The following CAMTA1 variants were observed in gnomAD, a reference collection of about 807,000 sequenced individuals.
CAMTA1 encodes calmodulin-binding transcription activator 1.
A neutral mutation model predicts 170.9 loss-of-function variants in CAMTA1; 27 were observed. The observed-to-expected ratio is 0.16, with a 90% CI of 0.12 to 0.22. The LOEUF (loss-of-function observed/expected upper bound fraction) is 0.22. Ranked by LOEUF, CAMTA1 falls within the 10% of genes least tolerant of loss-of-function variation. The pLI is 1.00. For synonymous variants in CAMTA1, 833 were observed against 891.5 expected (o/e 0.93, Z 1.17); for missense variants, 1,619 against 2,217.2 (o/e 0.73, Z 5.42).
intron 3 of CAMTA1, among the ~76,000 whole-genome samples, chr1:7,018,541 T>TCC (rs1700891480): frequency 6.6e-6 from 1 of 152,048 alleles, no homozygotes; most frequent in Non-Finnish European, 1.5e-5. Flanking sequence ...TCCTTCCAAA[T>TCC]CCTCTCTCCC....
At chr1:7,265,928 G>A (rs928520364) in intron 5 of CAMTA1, among the ~76,000 whole-genome samples, 8 of 152,178 alleles carry the variant, frequency 5.3e-5, no homozygotes, top group Admixed American at 2.0e-4. Flanking sequence ...CAAGGGTAGG[G>A]CTTGTTTGAT....
chr1:7,616,040 T>C (rs1454819075), intron 6 of CAMTA1, among the ~76,000 whole-genome samples: 1 of 152,270 alleles, frequency 6.6e-6, no homozygotes, highest in African/African-American at 2.4e-5. Context: ...GAGATTATTA[T>C]TCCCATTTAC....
intron 5 of CAMTA1, among the ~76,000 whole-genome samples, chr1:7,326,703 C>T (rs1225191710): frequency 6.6e-6 from 1 of 152,192 alleles, no homozygotes; most frequent in Non-Finnish European, 1.5e-5. Flanking sequence ...GAGAACATGG[C>T]CCTGCCAGCA....
intron 4 of CAMTA1, among the ~76,000 whole-genome samples, chr1:7,247,931 C>G (rs987321983): frequency 6.6e-6 from 1 of 152,134 alleles, no homozygotes; most frequent in African/African-American, 2.4e-5. Context: ...GCGCGTGGAG[C>G]CATTTCCTGA....
At chr1:6,864,742 C>T (rs1665994616) in intron 3 of CAMTA1, among the ~76,000 whole-genome samples, 1 of 152,178 alleles carries the variant, frequency 6.6e-6, no homozygotes, top group South Asian at 2.1e-4. Context: ...ATTTCCCATC[C>T]ACTTGCAGGG....
intron 11 of CAMTA1, among the ~76,000 whole-genome samples, chr1:7,700,225 A>G (rs182440416): frequency 1.1e-4 from 17 of 152,144 alleles, no homozygotes; most frequent in African/African-American, 4.1e-4. Context: ...CAGGGGTTCA[A>G]CTTCATTCTT....
rs1644157778 is a variant in CAMTA1 at position 7,113,010 on chromosome 1, T to A, written c.302+21639T>A. ...GGAAACCTTTCCCGGCAGCCTCACG[T>A]CTGCTTTTCAGGTACTCTGGTTCCA... On this transcript the variant is annotated intron_variant, in intron 4 of 22. Coordinates refer to ENST00000303635, the MANE Select transcript of CAMTA1 (RefSeq NM_015215.4). This position sits in a 1 kb window ranked among gnomAD's most constrained non-coding sequence, Gnocchi z 4.5. Among the ~76,000 whole-genome samples, 1 of 152,240 alleles carries A rather than the reference T, an allele frequency of 6.6e-6. No homozygotes were observed. Among genetic ancestry groups the A allele is most frequent in the South Asian group, 2.1e-4 (1 of 4,832 alleles).
At chr1:7,540,042 C>T (rs2094591422) in intron 6 of CAMTA1, among the ~76,000 whole-genome samples, 1 of 152,150 alleles carries the variant, frequency 6.6e-6, no homozygotes, top group South Asian at 2.1e-4. Context: ...CGTGCCCTGC[C>T]CTGGGCTTCC....
Position 7,634,751 on chromosome 1 carries a change from ACC to A in CAMTA1, c.511-5647_511-5646del, listed in dbSNP as rs35863523. Among the ~76,000 whole-genome samples the A allele has an allele frequency of 0.059, 9,043 of 152,104 alleles. 278 individuals are homozygous for A. Among genetic ancestry groups the A allele is most frequent in the Middle Eastern group, 0.099 (29 of 294 alleles). ...GCCCGCTGGAGGCTTAACTCTGCTC[ACC>A]CTCTCAGGAAGCACGTCAGGGCTTT... On this transcript the variant is annotated intron_variant, in intron 6 of 22. Transcript: ENST00000303635. The surrounding 1 kb of genome is among the most constrained non-coding windows in gnomAD (Gnocchi z 6.2).
chr1:7,735,832 C>T (rs930444538), intron 12 of CAMTA1, among the ~76,000 whole-genome samples: 2 of 152,172 alleles, frequency 1.3e-5, no homozygotes, highest in African/African-American at 4.8e-5. Flanking sequence ...AATGCAGTGG[C>T]GCGATCACAG....
intron 6 of CAMTA1, among the ~76,000 whole-genome samples, chr1:7,494,046 T>C (rs990378943): frequency 3.3e-5 from 5 of 152,000 alleles, no homozygotes; most frequent in African/African-American, 1.2e-4. Flanking sequence ...TAAACACGTT[T>C]CCAAACTGGG....
chr1:7,293,649 G>A lies in CAMTA1; in HGVS notation c.438+44023G>A, dbSNP rs550817260. Among the ~76,000 whole-genome samples, 2 of 152,204 alleles carry A rather than the reference G, an allele frequency of 1.3e-5. No individual in the cohort carries two copies. The highest frequency in any genetic ancestry group is 4.8e-5 in the African/African-American group (2 of 41,454). On this transcript the variant is annotated intron_variant, in intron 5 of 22. Transcript: ENST00000303635. This position sits in a 1 kb window ranked among gnomAD's most constrained non-coding sequence, Gnocchi z 4.1. ...GGTATTTCAATAAGATTGAAGGGGG[G>A]TGGAAATAGATTGCATCCCACTTAG... is the stretch of plus-strand genomic sequence containing the variant.
chr1:7,042,558 A>G (rs1254347972), intron 3 of CAMTA1, among the ~76,000 whole-genome samples: 2 of 150,130 alleles, frequency 1.3e-5, no homozygotes, highest in Non-Finnish European at 3.0e-5. Flanking sequence ...TTTGCTAAAA[A>G]CCTCCCTGAG....
intron 5 of CAMTA1, among the ~76,000 whole-genome samples, chr1:7,464,724 A>G (rs1210698483): frequency 6.6e-6 from 1 of 152,114 alleles, no homozygotes; most frequent in African/African-American, 2.4e-5. Context: ...TCCGGTGACA[A>G]TCACTGATGA....
At chr1:7,207,707 G>A (rs971888015) in intron 4 of CAMTA1, among the ~76,000 whole-genome samples, 2 of 152,194 alleles carry the variant, frequency 1.3e-5, no homozygotes, top group East Asian at 1.9e-4. Context: ...CCAAACCACC[G>A]GCTCTGTGCT....
At chr1:7,418,979 G>A (rs2091382942) in intron 5 of CAMTA1, among the ~76,000 whole-genome samples, 1 of 152,186 alleles carries the variant, frequency 6.6e-6, no homozygotes, top group Non-Finnish European at 1.5e-5. Flanking sequence ...CTGCCCGCCA[G>A]AAACCCTGCA....
In CAMTA1 at chr1:7,195,240, G is replaced by A. The variant is rs985478244; in HGVS notation, c.303-54251G>A. 2.6e-5 allele frequency among the ~76,000 whole-genome samples: 4 copies of A among 152,188 alleles called. No homozygotes were observed. The highest frequency in any genetic ancestry group is 2.1e-4 in the South Asian group (1 of 4,832). On this transcript the variant is annotated intron_variant, in intron 4 of 22. Transcript: ENST00000303635. This position sits in a 1 kb window ranked among gnomAD's most constrained non-coding sequence, Gnocchi z 4.1. ...CTTGCAGGCATATGGCAGCTCCCAC[G>A]TTCTCACACCATTCGACATTTGGGG... is the stretch of plus-strand genomic sequence containing the variant.
chr1:7,231,866 T>C (rs1662899313), intron 4 of CAMTA1, among the ~76,000 whole-genome samples: 1 of 152,214 alleles, frequency 6.6e-6, no homozygotes, highest in South Asian at 2.1e-4. Flanking sequence ...GAAAGGCTTC[T>C]TATAGTGCAA....
chr1:7,005,539 A>G (rs912471552), intron 3 of CAMTA1, among the ~76,000 whole-genome samples: 1 of 152,060 alleles, frequency 6.6e-6, no homozygotes, highest in Non-Finnish European at 1.5e-5. Flanking sequence ...GCAGGTGCTG[A>G]GGATGTGCTC....
Sources: allele counts gnomAD v4.1 joint callset (sites outside exome capture counted in the v4.1 genomes callset), GRCh38; gene constraint gnomAD v4.1.1; non-coding constraint Gnocchi (gnomAD v3.1); transcripts MANE v1.5; gene names NCBI Gene and HGNC (gene_info 2026-07-23, HGNC 2026-07-21).